The following TRA2A variants were observed in gnomAD, a reference collection of about 807,000 sequenced individuals.
TRA2A encodes the protein transformer 2 alpha homolog.
In TRA2A, 31 loss-of-function variants were observed where a neutral mutation model predicts 45.7. That is an observed-to-expected ratio of 0.68 (90% CI 0.51 to 0.92). The LOEUF (loss-of-function observed/expected upper bound fraction) is 0.92, where lower values mean the gene tolerates loss of function less well. Among genes scored for constraint, TRA2A ranks in the 40% least tolerant of loss-of-function variants. The pLI is 0.00. For missense variants in TRA2A, 304 were observed against 367.5 expected, an observed-to-expected ratio of 0.83 and a Z score of 1.41; for synonymous variants, 132 against 126.2, an observed-to-expected ratio of 1.05 and a Z score of -0.31.
In TRA2A at chr7:23,505,833, A is replaced by T. The variant is rs766383954; in HGVS notation, c.771-20T>A. On this transcript the variant is annotated intron_variant, in intron 6 of 7. Transcript: ENST00000297071. ...CGTCTTCTGTAAGAAATGAAAGATT[A>T]CTTAGCATACTATATAATCACTCCA... is the stretch of plus-strand genomic sequence containing the variant. The T allele has an allele frequency of 2.1e-6, 3 of 1,416,560 alleles. No individual in the cohort carries two copies. 87.7% of individuals were successfully genotyped at this position (1,416,560 alleles called of 1,614,324 possible). A position where few individuals can be genotyped will look rare whatever the true frequency, so the allele number is the denominator to read the frequency against.
intron 1 of TRA2A, chr7:23,531,340 A>C: frequency 1.3e-6 from 1 of 776,986 alleles, no homozygotes; most frequent in Non-Finnish European, 1.6e-6. Flanking sequence ...CCCGGAAAGC[A>C]GCCCCGCGCA....
At chr7:23,512,073 C>CAT (rs1789649334) in intron 4 of TRA2A, among the ~76,000 whole-genome samples, 1 of 152,174 alleles carries the variant, frequency 6.6e-6, no homozygotes, top group Non-Finnish European at 1.5e-5. Flanking sequence ...AATTTAAACA[C>CAT]ATATAGCTCA....
intron 7 of TRA2A, 46 bp from the exon 8 acceptor site, chr7:23,505,615 A>G (rs1196598952): frequency 1.6e-6 from 1 of 613,966 alleles, no homozygotes; most frequent in Non-Finnish European, 2.9e-6. Flanking sequence ...AAAAGTTAAC[A>G]ATTATAGTTT....
intron 2 of TRA2A, among the ~76,000 whole-genome samples, chr7:23,520,171 G>A (rs766995184): frequency 1.3e-5 from 2 of 152,148 alleles, no homozygotes; most frequent in East Asian, 3.9e-4. Context: ...AGCCAAGATC[G>A]TGCCACTGCA....
intron 2 of TRA2A, among the ~76,000 whole-genome samples, chr7:23,520,591 C>T (rs1001673051): frequency 7.9e-5 from 12 of 152,098 alleles, no homozygotes; most frequent in Admixed American, 7.9e-4. Flanking sequence ...CTGTCTCATG[C>T]CCCTTTGCAA....
At chr7:23,513,519 G>A (rs1686408931) in intron 3 of TRA2A, among the ~76,000 whole-genome samples, 1 of 152,126 alleles carries the variant, frequency 6.6e-6, no homozygotes, top group African/African-American at 2.4e-5. Context: ...TCCAGAGGCT[G>A]AGGCAGGAGA....
intron 1 of TRA2A, among the ~76,000 whole-genome samples, chr7:23,529,853 CTT>C (rs11415684): frequency 1.5e-3 from 208 of 140,980 alleles, no homozygotes; most frequent in African/African-American, 5.1e-3. Flanking sequence ...GGGTGGGAAT[CTT>C]TTTTTTTTTT....
In TRA2A at chr7:23,505,810, T is replaced by C; in HGVS notation, c.774A>G (p.Arg258=). The C allele has an allele frequency of 1.3e-6, 2 of 1,534,138 alleles. No homozygotes were observed. Among genetic ancestry groups the C allele is most frequent in the Non-Finnish European group, 1.7e-6 (2 of 1,143,618 alleles). Residue 258 remains arginine, a synonymous_variant, in exon 7 of 8, where the codon AGA becomes AGG. Transcript: ENST00000297071. ...RYEDYDYRYR[R]RSPSPYYSRY... ...GACTATAATAAGGAGAAGGTGATCGTCTTCTGTAAGAAATGAAAGATTACT... is the reference window on the plus strand; with the variant it reads ...GACTATAATAAGGAGAAGGTGATCGCCTTCTGTAAGAAATGAAAGATTACT...
intron 4 of TRA2A, among the ~76,000 whole-genome samples, chr7:23,510,317 G>A (rs1476061488): frequency 6.6e-6 from 1 of 152,122 alleles, no homozygotes; most frequent in African/African-American, 2.4e-5. Context: ...AAAGTTGCCA[G>A]TTAAGCTTTT....
chr7:23,525,881 C>T (rs1790320727), intron 1 of TRA2A, among the ~76,000 whole-genome samples: 1 of 152,180 alleles, frequency 6.6e-6, no homozygotes, highest in Non-Finnish European at 1.5e-5. Flanking sequence ...CAGGCATGAG[C>T]CACTGCACCC....
At chr7:23,512,831 T>A in intron 4 of TRA2A, 63 bp downstream of exon 4, 2 of 1,175,148 alleles carry the variant, frequency 1.7e-6, no homozygotes, top group Non-Finnish European at 2.3e-6. Context: ...CAGAAATAAG[T>A]CTATTAATCA....
chr7:23,509,381 G>A (rs1584109923), intron 4 of TRA2A, among the ~76,000 whole-genome samples: 1 of 152,216 alleles, frequency 6.6e-6, no homozygotes, highest in East Asian at 1.9e-4. Flanking sequence ...AAACTTCAGT[G>A]AAATTTTCAG....
chr7:23,519,397 A>C (rs1790033178), intron 2 of TRA2A, among the ~76,000 whole-genome samples: 1 of 152,112 alleles, frequency 6.6e-6, no homozygotes, highest in Non-Finnish European at 1.5e-5. Flanking sequence ...AAAAAGACTA[A>C]TGACCCACCC....
intron 1 of TRA2A, among the ~76,000 whole-genome samples, chr7:23,527,147 A>T (rs964934028): frequency 7.9e-5 from 12 of 152,168 alleles, no homozygotes; most frequent in African/African-American, 2.9e-4. Flanking sequence ...GTTATACAGT[A>T]TTTATGAATC....
At chr7:23,523,129 C>T (rs901113715) in intron 1 of TRA2A, among the ~76,000 whole-genome samples, 12 of 152,094 alleles carry the variant, frequency 7.9e-5, no homozygotes, top group South Asian at 2.1e-4. Flanking sequence ...CTATTATCCA[C>T]GACATACCAC....
intron 3 of TRA2A, among the ~76,000 whole-genome samples, chr7:23,513,442 A>G (rs1789717686): frequency 6.6e-6 from 1 of 152,250 alleles, no homozygotes; most frequent in Admixed American, 6.5e-5. Flanking sequence ...ACATGGTGAA[A>G]CCCCATCTCT....
In TRA2A at chr7:23,531,770, C is replaced by T; in HGVS notation, c.36+19G>A. ...GCATTGGGCCGCCGCCTAGACGGCT[C>T]CCGCGGCTTTGTACTCACTCTGCCC... On this transcript the variant is annotated intron_variant, in intron 1 of 7. Coordinates refer to ENST00000297071, the MANE Select transcript of TRA2A (RefSeq NM_013293.5). The T allele has an allele frequency of 6.2e-7, 1 of 1,613,020 alleles. No homozygotes were observed.
chr7:23,520,228 A>G (rs778682872), intron 2 of TRA2A, among the ~76,000 whole-genome samples: 2 of 152,240 alleles, frequency 1.3e-5, no homozygotes, highest in African/African-American at 4.8e-5. Flanking sequence ...AACAAAAACA[A>G]AAACAAACAA....
At chr7:23,515,269 G>A (rs1229764971) in intron 3 of TRA2A, among the ~76,000 whole-genome samples, 4 of 119,552 alleles carry the variant, frequency 3.3e-5, no homozygotes, top group Non-Finnish European at 6.4e-5. Context: ...TCGCTCTGTC[G>A]CCCAGGCTGG....
Sources: allele counts gnomAD v4.1 joint callset (sites outside exome capture counted in the v4.1 genomes callset), GRCh38; gene constraint gnomAD v4.1.1; transcripts MANE v1.5; gene names NCBI Gene and HGNC (gene_info 2026-07-23, HGNC 2026-07-21).